BNC2: variants seen among roughly 807,000 people sequenced by gnomAD.
BNC2 encodes the protein basonuclin zinc finger protein 2, also known as zinc finger protein basonuclin-2.
Under a neutral mutation model 76.3 loss-of-function variants are expected in BNC2, and 20 were observed. That is an observed-to-expected ratio of 0.26 (90% confidence interval 0.18 to 0.38). The LOEUF (loss-of-function observed/expected upper bound fraction) is 0.38. Ranked by LOEUF, BNC2 falls within the 10% of genes least tolerant of loss-of-function variation. The probability of loss-of-function intolerance (pLI) is 1.00; values close to 1 mark genes in which losing one functional copy is unlikely to be tolerated. For missense variants in BNC2, 1,382 were observed against 1,399.8 expected (o/e 0.99, Z 0.20); for synonymous variants, 582 against 514.8 (o/e 1.13, Z -1.77).
intron 3 of BNC2, among the ~76,000 whole-genome samples, chr9:16,598,353 C>G (rs548390805): frequency 2.0e-5 from 3 of 152,260 alleles, no homozygotes; most frequent in African/African-American, 7.2e-5. Context: ...ATGTCTATTA[C>G]TGAGTATTAT....
intron 3 of BNC2, among the ~76,000 whole-genome samples, chr9:16,667,036 GCTAAATA>G (rs1051384718): frequency 2.4e-4 from 36 of 151,386 alleles, no homozygotes; most frequent in African/African-American, 8.2e-4. Flanking sequence ...CCACTAAAAA[GCTAAATA>G]CTAATTTCAG....
chr9:16,589,358 G>A (rs962549548), intron 3 of BNC2, among the ~76,000 whole-genome samples: 1 of 151,168 alleles, frequency 6.6e-6, no homozygotes, highest in Admixed American at 6.6e-5. Context: ...GCTAATTTTT[G>A]TATTTTCAGT....
chr9:16,483,786 G>T (rs745710753), intron 5 of BNC2, among the ~76,000 whole-genome samples: 3 of 152,122 alleles, frequency 2.0e-5, no homozygotes, highest in Non-Finnish European at 4.4e-5. Context: ...GATTTCCTAA[G>T]GAATGGTCCC....
At chr9:16,686,098 A>G (rs946321832) in intron 3 of BNC2, among the ~76,000 whole-genome samples, 1 of 152,166 alleles carries the variant, frequency 6.6e-6, no homozygotes, top group African/African-American at 2.4e-5. Flanking sequence ...TTCTTAAAAT[A>G]TTTGTTCAAA....
At chr9:16,578,299 C>T (rs1424252613) in intron 4 of BNC2, among the ~76,000 whole-genome samples, 1 of 152,070 alleles carries the variant, frequency 6.6e-6, no homozygotes, top group Admixed American at 6.6e-5. Flanking sequence ...ATTTTATTTA[C>T]CTTCATCTTA....
intron 4 of BNC2, among the ~76,000 whole-genome samples, chr9:16,581,191 G>C (rs1222973315): frequency 1.3e-5 from 2 of 152,210 alleles, no homozygotes; most frequent in African/African-American, 4.8e-5. Context: ...AGGTGATTAA[G>C]TTAAAATGAG....
chr9:16,824,330 A>T (rs951434644), intron 1 of BNC2, among the ~76,000 whole-genome samples: 2 of 152,186 alleles, frequency 1.3e-5, no homozygotes, highest in Admixed American at 1.3e-4. Context: ...AAATTAAAAG[A>T]CTTGAAACTT....
At chr9:16,502,920 G>C (rs1418520519) in intron 5 of BNC2, among the ~76,000 whole-genome samples, 1 of 152,114 alleles carries the variant, frequency 6.6e-6, no homozygotes, top group Non-Finnish European at 1.5e-5. Flanking sequence ...GTACCTAAAG[G>C]AAGAGCTACA....
chr9:16,468,543 G>A (rs1198203810), intron 5 of BNC2, among the ~76,000 whole-genome samples: 5 of 151,846 alleles, frequency 3.3e-5, no homozygotes, highest in African/African-American at 7.3e-5. Flanking sequence ...CTACAGGCGT[G>A]CACCACCACG....
rs181845183 is a variant in BNC2, at chr9:16,490,690, T to C, written c.670-53166A>G. Among the ~76,000 whole-genome samples, 22 of 152,298 alleles carry C rather than the reference T, an allele frequency of 1.4e-4. 1 individual carries two copies. Among genetic ancestry groups the C allele is most frequent in the Admixed American group, 3.9e-4 (6 of 15,288 alleles). ...TATGTTTCCTCAATCAGGTCTTTCA[T>C]ACAGTTGTGCTGGGTTGAAAGTATT... On this transcript the variant is annotated intron_variant, in intron 5 of 6. Transcript: ENST00000380672.
chr9:16,853,781 C>T (rs10810647), intron 1 of BNC2, among the ~76,000 whole-genome samples: 107,400 of 151,956 alleles, frequency 0.71, 38,885 homozygotes, highest in South Asian at 0.91. Context: ...GGCAGGAGAA[C>T]TGCTTGAACC....
intron 4 of BNC2, among the ~76,000 whole-genome samples, chr9:16,567,354 A>G (rs572598812): frequency 6.6e-5 from 10 of 152,318 alleles, no homozygotes; most frequent in African/African-American, 2.2e-4. Context: ...TGCTAACTTA[A>G]AGAACAAAGT....
intron 3 of BNC2, among the ~76,000 whole-genome samples, chr9:16,625,484 C>A (rs1232695629): frequency 6.6e-6 from 1 of 152,026 alleles, no homozygotes; most frequent in African/African-American, 2.4e-5. Context: ...CAGGGAACTC[C>A]CCTGAGATAA....
chr9:16,866,662 T>TAA (rs1563977817), intron 1 of BNC2, among the ~76,000 whole-genome samples: 284 of 131,254 alleles, frequency 2.2e-3, no homozygotes, highest in Non-Finnish European at 3.0e-3. Flanking sequence ...TCTGTCACTT[T>TAA]TAAAAAAAAA....
intron 3 of BNC2, among the ~76,000 whole-genome samples, chr9:16,725,566 G>A (rs77400692): frequency 0.033 from 4,933 of 151,450 alleles, 195 homozygotes; most frequent in East Asian, 0.094. Context: ...TCCTTTTGTT[G>A]TACTACTCTA....
At chr9:16,685,444 T>C in intron 3 of BNC2, 3 of 618,394 alleles carry the variant, frequency 4.9e-6, no homozygotes, top group South Asian at 1.6e-5. Context: ...CCTAACTCAA[T>C]GGTTGTCTTT....
intron 5 of BNC2, among the ~76,000 whole-genome samples, chr9:16,507,201 C>T (rs1041058714): frequency 4.7e-5 from 7 of 149,980 alleles, no homozygotes; most frequent in Admixed American, 2.0e-4. Context: ...AGAGAAATCT[C>T]ATCTTTCTCC....
At chr9:16,551,099 C>T (rs1742252078) in intron 5 of BNC2, among the ~76,000 whole-genome samples, 1 of 152,152 alleles carries the variant, frequency 6.6e-6, no homozygotes, top group Non-Finnish European at 1.5e-5. Context: ...TGTCCCCATC[C>T]TGAGGCAAAT....
At chr9:16,748,164 A>G (rs10756805) in intron 1 of BNC2, among the ~76,000 whole-genome samples, 130,924 of 152,144 alleles carry the variant, frequency 0.86, 56,730 homozygotes, top group Non-Finnish European at 0.91. Context: ...AAAACTGAGG[A>G]GGTAACAAAT....
Sources: gnomAD v4.1 joint callset for allele counts (sites outside exome capture counted in the v4.1 genomes callset) on GRCh38, gnomAD v4.1.1 for gene constraint, MANE v1.5 for transcripts, NCBI Gene and HGNC (gene_info 2026-07-23, HGNC 2026-07-21) for gene names.